CDYL: variants seen among roughly 807,000 people sequenced by gnomAD.
CDYL encodes the protein chromodomain Y-like protein.
Under a neutral mutation model 47.3 loss-of-function variants are expected in CDYL, and 8 were observed. That is an observed-to-expected ratio of 0.17 (90% CI 0.10 to 0.31). The LOEUF is 0.31. CDYL is among the 10% of genes least tolerant of loss of function. The probability of loss-of-function intolerance (pLI) is 1.00; values close to 1 mark genes in which losing one functional copy is unlikely to be tolerated. For synonymous variants in CDYL, 266 were observed against 265.0 expected, an observed-to-expected ratio of 1.00 and a Z score of -0.04; for missense variants, 471 against 701.4, an observed-to-expected ratio of 0.67 and a Z score of 3.71.
chr6:4,727,837 A>G (rs1488344713), intron 2 of CDYL, among the ~76,000 whole-genome samples: 2 of 152,058 alleles, frequency 1.3e-5, no homozygotes, highest in African/African-American at 4.8e-5. Context: ...TGGTGGTGAC[A>G]TGGTGACAAA....
intron 2 of CDYL, among the ~76,000 whole-genome samples, chr6:4,726,525 C>G (rs1466575892): frequency 7.8e-5 from 10 of 128,816 alleles, no homozygotes; most frequent in Admixed American, 5.9e-4. Flanking sequence ...GGGCGAGACT[C>G]TGTCTCAAAA....
chr6:4,768,066 G>C (rs977525997), intron 3 of CDYL, among the ~76,000 whole-genome samples: 1 of 152,152 alleles, frequency 6.6e-6, no homozygotes, highest in Non-Finnish European at 1.5e-5. Context: ...CCTTCCTGTT[G>C]TCTGCATTCT....
chr6:4,849,151 T>C (rs1158264690), intron 1 of CDYL, among the ~76,000 whole-genome samples: 1 of 152,204 alleles, frequency 6.6e-6, no homozygotes, highest in Non-Finnish European at 1.5e-5. Flanking sequence ...GAAACTTCTT[T>C]GCCTTAGTCC....
chr6:4,943,863 G>A, intron 5 of CDYL, 107 bp downstream of exon 5: 2 of 796,568 alleles, frequency 2.5e-6, no homozygotes, highest in Non-Finnish European at 1.9e-6. Flanking sequence ...GTCATTCTGT[G>A]GGGACTTTCC....
intron 2 of CDYL, among the ~76,000 whole-genome samples, chr6:4,921,725 C>T (rs1473889397): frequency 1.3e-5 from 2 of 152,164 alleles, no homozygotes; most frequent in African/African-American, 4.8e-5. Context: ...TTCATCATCC[C>T]CTGAGTATGT....
chr6:4,890,669 A>G (rs1581238853), intron 1 of CDYL, among the ~76,000 whole-genome samples: 2 of 152,208 alleles, frequency 1.3e-5, no homozygotes, highest in Admixed American at 1.3e-4. Flanking sequence ...TGGGGATGTT[A>G]GAGAACCAGG....
intron 4 of CDYL, among the ~76,000 whole-genome samples, chr6:4,939,677 G>C (rs1268879834): frequency 6.6e-6 from 1 of 152,148 alleles, no homozygotes; most frequent in Non-Finnish European, 1.5e-5. Context: ...TTCAGTTTAA[G>C]ATTAAACTGC....
At chr6:4,753,509 T>C (rs1275732255) in intron 3 of CDYL, among the ~76,000 whole-genome samples, 6 of 152,198 alleles carry the variant, frequency 3.9e-5, no homozygotes, top group Non-Finnish European at 8.8e-5. Context: ...GTTATGCAAA[T>C]TCTCCACTCT....
At chr6:4,912,069 A>G (rs1477810644) in intron 2 of CDYL, among the ~76,000 whole-genome samples, 7 of 152,236 alleles carry the variant, frequency 4.6e-5, no homozygotes, top group African/African-American at 1.7e-4. Context: ...GTTTTCTAAA[A>G]TTGACATCCA....
At chr6:4,867,241 A>G (rs1051435863) in intron 1 of CDYL, among the ~76,000 whole-genome samples, 1 of 152,066 alleles carries the variant, frequency 6.6e-6, no homozygotes. Context: ...AGTTCTCAAA[A>G]GTTTTTTTAA....
At chr6:4,813,417 G>A (rs1759581678) in intron 1 of CDYL, among the ~76,000 whole-genome samples, 1 of 152,168 alleles carries the variant, frequency 6.6e-6, no homozygotes, top group Non-Finnish European at 1.5e-5. Context: ...GTGTGCTTTT[G>A]CAGCATCCGC....
At chr6:4,933,392 C>T (rs1464325155) in intron 2 of CDYL, among the ~76,000 whole-genome samples, 2 of 152,206 alleles carry the variant, frequency 1.3e-5, no homozygotes, top group African/African-American at 2.4e-5. Context: ...GCCCCTCTTC[C>T]GCTCCCCCAG....
chr6:4,806,695 G>A (rs780237055), intron 1 of CDYL, among the ~76,000 whole-genome samples: 10 of 152,142 alleles, frequency 6.6e-5, no homozygotes, highest in African/African-American at 2.2e-4. Flanking sequence ...CTTCTGCGAC[G>A]GTTCCTCAGT....
chr6:4,725,747 G>A (rs577790378), intron 2 of CDYL, among the ~76,000 whole-genome samples: 1 of 152,268 alleles, frequency 6.6e-6, no homozygotes, highest in Non-Finnish European at 1.5e-5. Flanking sequence ...CCAGAAAGGG[G>A]CTCCCACAGT....
chr6:4,729,514 G>T (rs1016722235), intron 2 of CDYL, among the ~76,000 whole-genome samples: 9 of 151,792 alleles, frequency 5.9e-5, no homozygotes, highest in South Asian at 2.1e-4. Flanking sequence ...TCACACCTAG[G>T]CATGGATCCG....
At chr6:4,831,507 T>G (rs904556245) in intron 1 of CDYL, among the ~76,000 whole-genome samples, 1 of 152,218 alleles carries the variant, frequency 6.6e-6, no homozygotes, top group African/African-American at 2.4e-5. Context: ...TGACGTCAGG[T>G]GGCGTGATGC....
intron 2 of CDYL, among the ~76,000 whole-genome samples, chr6:4,933,266 C>T (rs1233517368): frequency 6.6e-6 from 1 of 152,104 alleles, no homozygotes; most frequent in African/African-American, 2.4e-5. Flanking sequence ...GACTTCCCTC[C>T]CCTGATCTAG....
At chr6:4,852,515 T>TTC (rs1760874090) in intron 1 of CDYL, among the ~76,000 whole-genome samples, 1 of 87,038 alleles carries the variant, frequency 1.1e-5, no homozygotes, top group Non-Finnish European at 2.1e-5. Flanking sequence ...TTCCTTCCAA[T>TTC]CTTCCTTCCT....
At chr6:4,781,285 T>A (rs534089901) in intron 1 of CDYL, among the ~76,000 whole-genome samples, 1 of 152,348 alleles carries the variant, frequency 6.6e-6, no homozygotes, top group Non-Finnish European at 1.5e-5. Flanking sequence ...TTACTTACAT[T>A]GACCAAAAGC....
Sources: allele counts gnomAD v4.1 joint callset (sites outside exome capture counted in the v4.1 genomes callset), GRCh38; gene constraint gnomAD v4.1.1; transcripts MANE v1.5; gene names NCBI Gene and HGNC (gene_info 2026-07-23, HGNC 2026-07-21).